The following CPA6 variants were observed in gnomAD, a reference collection of about 807,000 sequenced individuals.
CPA6 encodes the protein carboxypeptidase A6.
CPA6 carries 58 observed loss-of-function variants against 63.3 expected under a neutral mutation model. The ratio of observed to expected loss-of-function variants is 0.92; its 90% CI spans 0.74 to 1.14. The LOEUF is 1.14. CPA6 is among the 50% of genes most tolerant of loss of function. The pLI is 0.00. For synonymous variants in CPA6, 185 were observed against 179.0 expected, an observed-to-expected ratio of 1.03 and a Z score of -0.27; for missense variants, 565 against 526.6, an observed-to-expected ratio of 1.07 and a Z score of -0.71.
intron 2 of CPA6, among the ~76,000 whole-genome samples, chr8:67,588,265 C>T (rs1314502220): frequency 6.6e-6 from 1 of 152,020 alleles, no homozygotes; most frequent in Non-Finnish European, 1.5e-5. Context: ...GAATTAGTCA[C>T]TGTTGAATGG....
chr8:67,647,817 C>A (rs1011952107), intron 1 of CPA6, among the ~76,000 whole-genome samples: 2 of 152,156 alleles, frequency 1.3e-5, no homozygotes, highest in Non-Finnish European at 1.5e-5. Context: ...GCTCTATAGG[C>A]CCAACAGAGT....
chr8:67,574,834 T>A (rs572858640), intron 2 of CPA6, among the ~76,000 whole-genome samples: 65 of 152,282 alleles, frequency 4.3e-4, no homozygotes, highest in African/African-American at 1.4e-3. Context: ...CTACGATTTT[T>A]TTTTTTGGGT....
chr8:67,528,831 T>C (rs1400770644), intron 2 of CPA6, among the ~76,000 whole-genome samples: 1 of 152,082 alleles, frequency 6.6e-6, no homozygotes, highest in African/African-American at 2.4e-5. Context: ...GCTTTATTAT[T>C]CTTTCCTAAT....
intron 2 of CPA6, among the ~76,000 whole-genome samples, chr8:67,597,198 CTTTTT>C (rs1219322033): frequency 1.5e-5 from 2 of 135,086 alleles, no homozygotes; most frequent in Admixed American, 7.5e-5. Flanking sequence ...CTCTGTGTCT[CTTTTT>C]TTTTTTTTTT....
intron 1 of CPA6, among the ~76,000 whole-genome samples, chr8:67,696,826 G>A (rs796757259): frequency 4.5e-4 from 68 of 152,154 alleles, no homozygotes; most frequent in African/African-American, 1.5e-3. Flanking sequence ...AATGACTGCT[G>A]GGATCAAGAA....
chr8:67,504,071 A>G (rs889755966), intron 6 of CPA6, among the ~76,000 whole-genome samples: 3 of 152,194 alleles, frequency 2.0e-5, no homozygotes, highest in African/African-American at 7.2e-5. Flanking sequence ...GCTGAGGCTT[A>G]GAAAGGTTAA....
chr8:67,606,278 A>G (rs1814635892), intron 2 of CPA6, among the ~76,000 whole-genome samples: 1 of 151,980 alleles, frequency 6.6e-6, no homozygotes. Context: ...ACATGTATAC[A>G]TATGTAACAA....
At chr8:67,495,987 A>G (rs987118617) in intron 6 of CPA6, among the ~76,000 whole-genome samples, 2 of 152,112 alleles carry the variant, frequency 1.3e-5, no homozygotes, top group Admixed American at 6.6e-5. Flanking sequence ...TAAATCTACA[A>G]CGCCCACATA....
intron 2 of CPA6, among the ~76,000 whole-genome samples, chr8:67,608,838 A>G (rs894147443): frequency 1.1e-4 from 17 of 152,324 alleles, no homozygotes; most frequent in East Asian, 5.8e-4. Context: ...GAAGGGGCCA[A>G]GGCAATTCTC....
At chr8:67,563,990 C>A (rs1034418570) in intron 2 of CPA6, among the ~76,000 whole-genome samples, 3 of 152,136 alleles carry the variant, frequency 2.0e-5, no homozygotes, top group African/African-American at 7.2e-5. Context: ...GAACATTTCA[C>A]AGTGCTATAT....
intron 6 of CPA6, among the ~76,000 whole-genome samples, chr8:67,491,807 C>T (rs1272910129): frequency 6.6e-6 from 1 of 152,198 alleles, no homozygotes; most frequent in Admixed American, 6.5e-5. Flanking sequence ...AGTCCTCCCA[C>T]AGAAGTGTGA....
chr8:67,603,542 T>C (rs1420091346), intron 2 of CPA6, among the ~76,000 whole-genome samples: 11 of 152,196 alleles, frequency 7.2e-5, no homozygotes, highest in Non-Finnish European at 1.6e-4. Flanking sequence ...AGCATGTCCA[T>C]AGATTTTTGT....
chr8:67,740,789 C>T (rs1035352281), intron 1 of CPA6, among the ~76,000 whole-genome samples: 9 of 152,064 alleles, frequency 5.9e-5, no homozygotes, highest in Admixed American at 2.6e-4. Flanking sequence ...AGGATGGTCT[C>T]GAACTCCTGA....
chr8:67,536,141 C>G (rs1197970958), intron 2 of CPA6, among the ~76,000 whole-genome samples: 1 of 152,130 alleles, frequency 6.6e-6, no homozygotes, highest in Non-Finnish European at 1.5e-5. Context: ...ATGCCTCCAG[C>G]TTTGTTGTTT....
intron 1 of CPA6, among the ~76,000 whole-genome samples, chr8:67,744,295 T>C (rs1485388095): frequency 6.6e-6 from 1 of 152,220 alleles, no homozygotes. Flanking sequence ...TGGTAATTTA[T>C]ACACTTGGGA....
At chr8:67,511,057 T>G (rs1375100607) in intron 4 of CPA6, among the ~76,000 whole-genome samples, 2 of 147,132 alleles carry the variant, frequency 1.4e-5, no homozygotes, top group Admixed American at 1.3e-4. Context: ...GTGGATGAGG[T>G]GGCTGTCAGT....
intron 1 of CPA6, among the ~76,000 whole-genome samples, chr8:67,670,801 G>A (rs62511386): frequency 0.035 from 5,364 of 152,226 alleles, 122 homozygotes; most frequent in Non-Finnish European, 0.047. Flanking sequence ...AATGCTTTGC[G>A]GGCTGGAAGG....
In CPA6 at chr8:67,434,188, T is replaced by C. The variant is rs551174964; in HGVS notation, c.891A>G (p.Pro297=). Residue 297 remains proline (P), a synonymous_variant, in exon 9 of 11, where the codon CCA becomes CCG. Coordinates refer to ENST00000297770, the MANE Select transcript of CPA6 (RefSeq NM_020361.5). ...PCDDTYCGPF[P]ESEPEVKAVA... is the part of the protein sequence containing the mutation. The stretch of plus-strand genomic sequence containing the variant: ...CAGCCTTCACTTCCGGCTCAGATTC[T>C]GGAAAAGGGCCACAGTATGTGTCAT... 6.2e-7 allele frequency: 1 copy of C among 1,614,196 alleles called. No individual in the cohort carries two copies. The highest frequency in any genetic ancestry group is 1.7e-5 in the Admixed American group (1 of 60,028).
At chr8:67,500,613 G>A (rs771803364) in intron 6 of CPA6, among the ~76,000 whole-genome samples, 44 of 151,852 alleles carry the variant, frequency 2.9e-4, no homozygotes, top group Admixed American at 1.3e-4. Flanking sequence ...CTTTGTCTTG[G>A]TTTTAGATCC....
Sources: gnomAD v4.1 joint callset for allele counts (sites outside exome capture counted in the v4.1 genomes callset) on GRCh38, gnomAD v4.1.1 for gene constraint, MANE v1.5 for transcripts, NCBI Gene and HGNC (gene_info 2026-07-23, HGNC 2026-07-21) for gene names.